CDKAL1: variants seen among roughly 807,000 people sequenced by gnomAD.
CDKAL1 encodes CDKAL1 threonylcarbamoyladenosine tRNA methylthiotransferase, also known as threonylcarbamoyladenosine tRNA methylthiotransferase.
Under a neutral mutation model 68.2 loss-of-function variants are expected in CDKAL1, and 32 were observed. That is an observed-to-expected ratio of 0.47 (90% CI 0.35 to 0.63). The LOEUF (loss-of-function observed/expected upper bound fraction) is 0.63, where lower values mean the gene tolerates loss of function less well. CDKAL1 is among the 30% of genes least tolerant of loss of function. The pLI is 0.00. For missense variants in CDKAL1, 606 were observed against 696.7 expected, an observed-to-expected ratio of 0.87 and a Z score of 1.47; for synonymous variants, 234 against 244.3, an observed-to-expected ratio of 0.96 and a Z score of 0.39.
intron 9 of CDKAL1, among the ~76,000 whole-genome samples, chr6:20,857,215 AG>A (rs1160918770): frequency 7.9e-5 from 12 of 152,196 alleles, no homozygotes; most frequent in Non-Finnish European, 4.4e-5. Flanking sequence ...AGTTTGATTT[AG>A]ATTGCTGACT....
intron 5 of CDKAL1, among the ~76,000 whole-genome samples, chr6:20,693,350 C>T (rs181526281): frequency 2.0e-5 from 3 of 152,170 alleles, no homozygotes; most frequent in South Asian, 4.2e-4. Context: ...AACTTGTAAC[C>T]ATTTCTGATA....
intron 13 of CDKAL1, among the ~76,000 whole-genome samples, chr6:21,195,477 TTTTA>T (rs70993212): frequency 0.11 from 12,827 of 118,180 alleles, 907 homozygotes; most frequent in African/African-American, 0.22. Flanking sequence ...GAGATGTTTT[TTTTA>T]TTTATTTATT....
chr6:20,908,437 A>T lies in CDKAL1; in HGVS notation c.743-46982A>T, dbSNP rs529923546. Among the ~76,000 whole-genome samples, 19 of 152,368 alleles carry T rather than the reference A, an allele frequency of 1.2e-4. No homozygotes were observed. The East Asian group carries it at 3.1e-3, about 25-fold the overall frequency. On this transcript the variant is annotated intron_variant, in intron 9 of 15. Transcript: ENST00000274695. Reference sequence around the variant, plus strand: ...TAAATACAAATTTAATCAAACAATTAAAATGAATTCCTTGCTGAATCTTGA... The same window carrying T: ...TAAATACAAATTTAATCAAACAATTTAAATGAATTCCTTGCTGAATCTTGA...
At chr6:21,063,795 G>A (rs1771271619) in intron 11 of CDKAL1, among the ~76,000 whole-genome samples, 1 of 152,196 alleles carries the variant, frequency 6.6e-6, no homozygotes, top group Admixed American at 6.5e-5. Flanking sequence ...AGAGATGAAA[G>A]AGAGAAAAAG....
chr6:20,680,484 A>C (rs1488383000), intron 5 of CDKAL1, among the ~76,000 whole-genome samples: 1 of 152,262 alleles, frequency 6.6e-6, no homozygotes, highest in African/African-American at 2.4e-5. Flanking sequence ...AAAACTAAAG[A>C]AGAATTTCCT....
intron 14 of CDKAL1, among the ~76,000 whole-genome samples, chr6:21,199,135 G>C (rs1778587629): frequency 6.6e-6 from 1 of 152,236 alleles, no homozygotes; most frequent in Non-Finnish European, 1.5e-5. Flanking sequence ...TGGAATTAGA[G>C]CTTGAGAAGA....
At chr6:20,683,652 C>T (rs1048622759) in intron 5 of CDKAL1, among the ~76,000 whole-genome samples, 6 of 152,180 alleles carry the variant, frequency 3.9e-5, no homozygotes, top group South Asian at 2.1e-4. Flanking sequence ...TGCAGCCTCT[C>T]CCATGATCAG....
chr6:21,102,457 A>G (rs1020847431), intron 12 of CDKAL1, among the ~76,000 whole-genome samples: 5 of 152,066 alleles, frequency 3.3e-5, no homozygotes, highest in African/African-American at 1.2e-4. Context: ...TGGCTTCTTC[A>G]TTTCCTATCC....
In CDKAL1 at chr6:20,546,482, A is replaced by G. The variant is rs1215633619; in HGVS notation, c.132A>G (p.Gln44=). Residue 44 remains glutamine (Q), a synonymous_variant, in exon 3 of 16, where the codon CAA becomes CAG. Transcript: ENST00000274695. ...VVPKVRRRNT[Q]KYLQEEENSP... Reference sequence around the variant, plus strand: ...CGAAGGTACGAAGGCGAAATACCCAAAAATATTTGCAAGAGGAAGAAAACA... The same window carrying G: ...CGAAGGTACGAAGGCGAAATACCCAGAAATATTTGCAAGAGGAAGAAAACA... The G allele has an allele frequency of 3.1e-6, 5 of 1,614,064 alleles. No homozygotes were observed. The South Asian group carries it at 3.3e-5, about 11-fold the overall frequency.
intron 13 of CDKAL1, among the ~76,000 whole-genome samples, chr6:21,122,759 TC>T (rs1774789721): frequency 6.6e-6 from 1 of 151,544 alleles, no homozygotes; most frequent in Non-Finnish European, 1.5e-5. Flanking sequence ...ACATCAGCCT[TC>T]TGAGTAGCTA....
At chr6:20,673,023 C>T (rs1438138776) in intron 5 of CDKAL1, among the ~76,000 whole-genome samples, 2 of 152,198 alleles carry the variant, frequency 1.3e-5, no homozygotes, top group Non-Finnish European at 2.9e-5. Flanking sequence ...GTGATCCACC[C>T]GCCTTGGCCT....
intron 15 of CDKAL1, among the ~76,000 whole-genome samples, chr6:21,212,098 TGAAAGTTTCTATATGAGG>T (rs1214833495): frequency 6.6e-6 from 1 of 152,078 alleles, no homozygotes; most frequent in African/African-American, 2.4e-5. Flanking sequence ...CATAGTATAG[TGAAAGTTTCTATATGAGG>T]GAAAGCCCAT....
At chr6:21,011,371 G>A (rs923919855) in intron 11 of CDKAL1, among the ~76,000 whole-genome samples, 22 of 152,000 alleles carry the variant, frequency 1.4e-4, no homozygotes, top group African/African-American at 4.8e-4. Context: ...GTAATAGAGC[G>A]AGACTCTGTC....
intron 7 of CDKAL1, among the ~76,000 whole-genome samples, chr6:20,760,362 A>C (rs1774409738): frequency 6.6e-6 from 1 of 152,200 alleles, no homozygotes; most frequent in African/African-American, 2.4e-5. Context: ...ATGTTTTTAC[A>C]AACTACTTCA....
chr6:20,601,981 T>A (rs1174470732), intron 4 of CDKAL1, among the ~76,000 whole-genome samples: 3 of 152,210 alleles, frequency 2.0e-5, no homozygotes, highest in South Asian at 2.1e-4. Flanking sequence ...TATTTCACGA[T>A]TCTGCTGAAG....
intron 5 of CDKAL1, among the ~76,000 whole-genome samples, chr6:20,659,825 A>C (rs1283722833): frequency 6.6e-6 from 1 of 152,160 alleles, no homozygotes; most frequent in African/African-American, 2.4e-5. Context: ...GATTGTGGTC[A>C]TCAGGAAATT....
At chr6:20,909,519 T>C (rs1762374609) in intron 9 of CDKAL1, among the ~76,000 whole-genome samples, 1 of 152,248 alleles carries the variant, frequency 6.6e-6, no homozygotes, top group African/African-American at 2.4e-5. Flanking sequence ...GAGATTTACT[T>C]AAATGCTTTA....
intron 5 of CDKAL1, among the ~76,000 whole-genome samples, chr6:20,672,566 G>C (rs2127782318): frequency 6.6e-6 from 1 of 152,120 alleles, no homozygotes; most frequent in African/African-American, 2.4e-5. Flanking sequence ...TGGCCAGGTG[G>C]CTGGTCTCGA....
At chr6:20,921,998 TGAA>T (rs1459695740) in intron 9 of CDKAL1, among the ~76,000 whole-genome samples, 2 of 152,226 alleles carry the variant, frequency 1.3e-5, no homozygotes, top group African/African-American at 4.8e-5. Flanking sequence ...TAACTGTCAA[TGAA>T]GTACCTCAGA....
Sources: allele counts gnomAD v4.1 joint callset (sites outside exome capture counted in the v4.1 genomes callset), GRCh38; gene constraint gnomAD v4.1.1; transcripts MANE v1.5; gene names NCBI Gene and HGNC (gene_info 2026-07-23, HGNC 2026-07-21).